MTSS1: variants seen among roughly 807,000 people sequenced by gnomAD.
MTSS1 encodes protein MTSS 1.
In MTSS1, 18 loss-of-function variants were observed where a neutral mutation model predicts 79.0. The ratio of observed to expected loss-of-function variants is 0.23; its 90% confidence interval spans 0.16 to 0.34. MTSS1 has a LOEUF of 0.34. Ranked by LOEUF, MTSS1 falls within the 10% of genes least tolerant of loss-of-function variation. The probability of loss-of-function intolerance (pLI) is 1.00; values close to 1 mark genes in which losing one functional copy is unlikely to be tolerated. For missense variants in MTSS1, 815 were observed against 986.2 expected (o/e 0.83, Z 2.33); for synonymous variants, 341 against 368.6 (o/e 0.93, Z 0.86).
At chr8:124,612,718 A>G (rs1347926620) in intron 3 of MTSS1, among the ~76,000 whole-genome samples, 3 of 152,096 alleles carry the variant, frequency 2.0e-5, no homozygotes, top group East Asian at 3.9e-4. Flanking sequence ...ATCACCAGGC[A>G]ATACTAGGTC....
intron 3 of MTSS1, among the ~76,000 whole-genome samples, chr8:124,655,962 G>A (rs1820859394): frequency 6.6e-6 from 1 of 152,174 alleles, no homozygotes. Context: ...AATGCTCAAA[G>A]AAGAAAACCT....
intron 5 of MTSS1, among the ~76,000 whole-genome samples, chr8:124,586,400 T>C (rs1315048868): frequency 6.6e-6 from 1 of 152,204 alleles, no homozygotes; most frequent in African/African-American, 2.4e-5. Flanking sequence ...GATGAAACCA[T>C]GTACACCTAC....
chr8:124,570,926 G>A (rs1000211411), intron 6 of MTSS1, among the ~76,000 whole-genome samples: 18 of 152,206 alleles, frequency 1.2e-4, no homozygotes, highest in African/African-American at 4.3e-4. Context: ...TCCCACCTCA[G>A]CCTCCCAAAG....
At chr8:124,722,736 G>C (rs530614262) in intron 1 of MTSS1, among the ~76,000 whole-genome samples, 10 of 152,270 alleles carry the variant, frequency 6.6e-5, no homozygotes, top group Non-Finnish European at 1.2e-4. Context: ...ATCCTAGGCA[G>C]CTAAATCTGT....
intron 3 of MTSS1, among the ~76,000 whole-genome samples, chr8:124,672,890 T>C (rs538622762): frequency 2.0e-5 from 3 of 149,990 alleles, no homozygotes; most frequent in African/African-American, 7.3e-5. Flanking sequence ...CACACACACA[T>C]GCACACACAC....
intron 3 of MTSS1, among the ~76,000 whole-genome samples, chr8:124,688,314 ATG>A (rs1222907006): frequency 6.9e-6 from 1 of 144,816 alleles, no homozygotes; most frequent in Non-Finnish European, 1.5e-5. Flanking sequence ...ATGTATGTGT[ATG>A]TGTACATGTG....
chr8:124,632,867 C>T (rs1024292594), intron 3 of MTSS1, among the ~76,000 whole-genome samples: 1 of 152,108 alleles, frequency 6.6e-6, no homozygotes, highest in Non-Finnish European at 1.5e-5. Context: ...GGGGTTTTGC[C>T]ATGTTAACCA....
At chr8:124,556,499 G>T in intron 11 of MTSS1, 94 bp from the exon 12 acceptor site, 2 of 1,363,524 alleles carry the variant, frequency 1.5e-6, no homozygotes, top group East Asian at 5.0e-5. Context: ...AAGGCAGCTG[G>T]TCCCCTTAAG....
chr8:124,587,383 C>G (rs777318251), intron 5 of MTSS1, among the ~76,000 whole-genome samples: 10 of 152,220 alleles, frequency 6.6e-5, no homozygotes, highest in Non-Finnish European at 1.0e-4. Context: ...TGGATAAATC[C>G]CGTGAGCCTA....
chr8:124,654,282 G>C (rs1367967503), intron 3 of MTSS1, among the ~76,000 whole-genome samples: 1 of 152,136 alleles, frequency 6.6e-6, no homozygotes, highest in East Asian at 1.9e-4. Context: ...ATGTTTCACC[G>C]TCTTCGCTCA....
intron 3 of MTSS1, among the ~76,000 whole-genome samples, chr8:124,673,007 G>A (rs1392066193): frequency 6.6e-6 from 1 of 152,090 alleles, no homozygotes; most frequent in Admixed American, 6.5e-5. Flanking sequence ...ACTGAATCTT[G>A]CAAGCCATGA....
chr8:124,562,534 T>TA (rs1825561858), intron 10 of MTSS1, among the ~76,000 whole-genome samples: 1 of 152,154 alleles, frequency 6.6e-6, no homozygotes, highest in African/African-American at 2.4e-5. Flanking sequence ...TCCATCTACT[T>TA]ACGTGAGAGC....
rs570344061 is a variant in MTSS1 at position 124,643,751 on chromosome 8, G to A, written c.209-52516C>T. 3.8e-4 allele frequency among the ~76,000 whole-genome samples: 57 copies of A among 149,760 alleles called. 1 individual carries two copies. In the South Asian group the frequency reaches 0.01, roughly 27 times the overall value. On this transcript the variant is annotated intron_variant, in intron 3 of 13. Transcript: ENST00000518547. ...CGAAAATCTGTACTCAAAACTTTGG[G>A]ATTTCATGTTATAAATATATTTAAA...
intron 3 of MTSS1, among the ~76,000 whole-genome samples, chr8:124,613,656 C>T (rs919340962): frequency 1.6e-4 from 24 of 152,180 alleles, no homozygotes; most frequent in African/African-American, 5.8e-4. Flanking sequence ...CCACAGGTAG[C>T]TGACTGCACA....
chr8:124,689,671 G>A (rs145905590), intron 3 of MTSS1, among the ~76,000 whole-genome samples: 1,636 of 151,048 alleles, frequency 0.011, 12 homozygotes, highest in Middle Eastern at 0.031. Flanking sequence ...GCTTGAACCC[G>A]GGAGGTGGAG....
At chr8:124,574,585 C>G (rs982744484) in intron 6 of MTSS1, among the ~76,000 whole-genome samples, 3 of 152,154 alleles carry the variant, frequency 2.0e-5, no homozygotes, top group African/African-American at 7.2e-5. Context: ...AACAGCCGAT[C>G]AAAAAGCCAG....
chr8:124,561,465 C>T (rs922079425), intron 10 of MTSS1, among the ~76,000 whole-genome samples: 8 of 152,148 alleles, frequency 5.3e-5, no homozygotes, highest in Admixed American at 3.9e-4. Context: ...TTGCTAGCCA[C>T]GCATGTCTTG....
intron 3 of MTSS1, among the ~76,000 whole-genome samples, chr8:124,684,476 C>T (rs1301133631): frequency 6.6e-6 from 1 of 152,120 alleles, no homozygotes; most frequent in Non-Finnish European, 1.5e-5. Context: ...GGCCATGTTT[C>T]AAGGAAGCAA....
chr8:124,567,188 A>G lies in MTSS1; in HGVS notation c.619-10T>C. ...TTGAGATTTCTTCTTCCTGAAGGAAAAGTCATTCATGAAATGTTATTATCA... is the reference window on the plus strand; with the variant it reads ...TTGAGATTTCTTCTTCCTGAAGGAAGAGTCATTCATGAAATGTTATTATCA... On this transcript the variant is annotated splice_polypyrimidine_tract_variant and intron_variant, in intron 7 of 13. Transcript: ENST00000518547. 1 of 1,574,112 alleles carries G rather than the reference A, an allele frequency of 6.4e-7. No homozygotes were observed. The highest frequency in any genetic ancestry group is 8.7e-7 in the Non-Finnish European group (1 of 1,143,664).
Sources: gnomAD v4.1 joint callset for allele counts (sites outside exome capture counted in the v4.1 genomes callset) on GRCh38, gnomAD v4.1.1 for gene constraint, MANE v1.5 for transcripts, NCBI Gene and HGNC (gene_info 2026-07-23, HGNC 2026-07-21) for gene names.